The following UPP2 variants were observed in gnomAD, a reference collection of about 807,000 sequenced individuals.
UPP2 encodes the protein uridine phosphorylase 2, also known as UPase 2.
A neutral mutation model predicts 26.7 loss-of-function variants in UPP2; 23 were observed. The ratio of observed to expected loss-of-function variants is 0.86; its 90% CI spans 0.62 to 1.22. The LOEUF (loss-of-function observed/expected upper bound fraction) is 1.22, where lower values mean the gene tolerates loss of function less well. Among genes scored for constraint, UPP2 ranks in the 50% most tolerant of loss-of-function variants. The pLI is 0.00. For synonymous variants in UPP2, 127 were observed against 141.3 expected (o/e 0.90, Z 0.72); for missense variants, 387 against 396.7 (o/e 0.98, Z 0.21).
At chr2:157,995,233 A>G (rs1683307081) in exon 2 of UPP2, 2 of 1,613,602 alleles carry the variant, frequency 1.2e-6, no homozygotes, top group African/African-American at 1.3e-5. Flanking sequence ...GACCCAGACC[A>G]AGAAGTGGTG....
chr2:158,021,974 C>A (rs1436714838), intron 3 of UPP2, among the ~76,000 whole-genome samples: 1 of 151,310 alleles, frequency 6.6e-6, no homozygotes, highest in Non-Finnish European at 1.5e-5. Flanking sequence ...AATCCATATA[C>A]ATTTCCTGAC....
intron 3 of UPP2, among the ~76,000 whole-genome samples, chr2:158,054,385 G>GTTTTTTTTTTTTTTTTTTTTTT (rs71404330): frequency 7.2e-6 from 1 of 139,044 alleles, no homozygotes; most frequent in Non-Finnish European, 1.5e-5. Flanking sequence ...TTATTTTGAG[G>GTTTTTTTTTTTTTTTTTTTTTT]TTTTTTTTTT....
intron 2 of UPP2, among the ~76,000 whole-genome samples, chr2:158,006,197 C>T (rs1056544092): frequency 2.6e-5 from 4 of 152,220 alleles, no homozygotes; most frequent in Non-Finnish European, 4.4e-5. Flanking sequence ...CGGTGGCTCA[C>T]GCCTGTAATC....
chr2:158,020,943 G>A (rs1312658724), intron 3 of UPP2, among the ~76,000 whole-genome samples: 1 of 152,200 alleles, frequency 6.6e-6, no homozygotes, highest in African/African-American at 2.4e-5. Flanking sequence ...ACAGATGCAT[G>A]GCTTCAGAGA....
intron 2 of UPP2, 137 bp downstream of exon 2, chr2:158,106,353 C>G: frequency 1.5e-6 from 1 of 688,582 alleles, no homozygotes; most frequent in Non-Finnish European, 2.4e-6. Flanking sequence ...TTCTCTGAAA[C>G]AATTTGGAAT....
rs373328756 is a variant in UPP2, at chr2:158,096,414, C to A, written c.148-5626C>A. ...AGGAGTTCGAGACCAGCCTGGCCAA[C>A]ATGGTGAAACCCCGTCTCTACTAAA... On this transcript the variant is annotated intron_variant, in intron 3 of 9. Coordinates refer to the UPP2 transcript ENST00000605860. Among the ~76,000 whole-genome samples, 275 of 152,244 alleles carry A rather than the reference C, an allele frequency of 1.8e-3. 4 individuals carry two copies. The South Asian group carries it at 0.025, about 14-fold the overall frequency.
At chr2:158,108,410 T>C (rs1396633845) in intron 2 of UPP2, among the ~76,000 whole-genome samples, 1 of 152,064 alleles carries the variant, frequency 6.6e-6, no homozygotes, top group Non-Finnish European at 1.5e-5. Context: ...GATAAAAAAA[T>C]AATGGCTCTT....
intron 3 of UPP2, among the ~76,000 whole-genome samples, chr2:158,095,397 CAG>C (rs1682969460): frequency 2.0e-5 from 3 of 152,260 alleles, no homozygotes; most frequent in African/African-American, 7.2e-5. Context: ...TAAAATGTGG[CAG>C]AGAGATGTTC....
At chr2:158,083,574 AG>A (rs1479741964) in intron 3 of UPP2, among the ~76,000 whole-genome samples, 1 of 151,846 alleles carries the variant, frequency 6.6e-6, no homozygotes, top group Non-Finnish European at 1.5e-5. Flanking sequence ...GGGTTAGGGG[AG>A]GGGTAGCATT....
chr2:158,002,778 G>T (rs1479269880), intron 2 of UPP2, among the ~76,000 whole-genome samples: 1 of 152,200 alleles, frequency 6.6e-6, no homozygotes, highest in Admixed American at 6.5e-5. Flanking sequence ...TTTTAATGTT[G>T]TGCTGTTTGC....
chr2:158,029,364 T>C (rs1052764403), intron 3 of UPP2, among the ~76,000 whole-genome samples: 5 of 152,266 alleles, frequency 3.3e-5, no homozygotes, highest in African/African-American at 1.2e-4. Context: ...AAATTTTCAG[T>C]ATCTTACACA....
chr2:158,054,388 T>TC (rs988497589), intron 3 of UPP2, among the ~76,000 whole-genome samples: 5 of 129,674 alleles, frequency 3.9e-5, no homozygotes, highest in African/African-American at 1.8e-4. Flanking sequence ...TTTTGAGGTT[T>TC]TTTTTTTTTT....
chr2:158,035,531 C>A (rs1683988085), intron 3 of UPP2, among the ~76,000 whole-genome samples: 4 of 152,144 alleles, frequency 2.6e-5, no homozygotes, highest in African/African-American at 9.7e-5. Context: ...GTGCTGGATA[C>A]AATCAAAGGA....
At chr2:158,096,427 C>T (rs201654600) in intron 3 of UPP2, among the ~76,000 whole-genome samples, 55 of 151,956 alleles carry the variant, frequency 3.6e-4, no homozygotes, top group African/African-American at 1.3e-3. Flanking sequence ...GGTGAAACCC[C>T]GTCTCTACTA....
intron 3 of UPP2, among the ~76,000 whole-genome samples, chr2:158,039,919 T>G (rs919552252): frequency 6.6e-6 from 1 of 152,242 alleles, no homozygotes; most frequent in South Asian, 2.1e-4. Context: ...GCCTTCCATC[T>G]GGAACTTAGT....
At chr2:158,082,527 C>A (rs1574280467) in intron 3 of UPP2, among the ~76,000 whole-genome samples, 1 of 152,052 alleles carries the variant, frequency 6.6e-6, no homozygotes, top group African/African-American at 2.4e-5. Context: ...TGAAACTGGA[C>A]CCCTTCCTTA....
intron 2 of UPP2, among the ~76,000 whole-genome samples, chr2:158,014,328 C>A (rs1308623311): frequency 6.6e-6 from 1 of 152,198 alleles, no homozygotes; most frequent in African/African-American, 2.4e-5. Flanking sequence ...TCTCCTAGAA[C>A]AACCCCAGCT....
At chr2:158,134,670 T>C in intron 6 of UPP2, 78 bp from the exon 7 acceptor site, 1 of 1,456,698 alleles carries the variant, frequency 6.9e-7, no homozygotes, top group East Asian at 2.5e-5. Flanking sequence ...GTGCTAGGGA[T>C]GCTGGTGTGT....
At chr2:158,129,049 G>C (rs1214038654) in intron 6 of UPP2, among the ~76,000 whole-genome samples, 3 of 152,030 alleles carry the variant, frequency 2.0e-5, no homozygotes, top group East Asian at 3.8e-4. Flanking sequence ...ATCAAGGTCA[G>C]TGTCTATAGT....
Sources: gnomAD v4.1 joint callset for allele counts (sites outside exome capture counted in the v4.1 genomes callset) on GRCh38, gnomAD v4.1.1 for gene constraint, MANE v1.5 for transcripts, NCBI Gene and HGNC (gene_info 2026-07-23, HGNC 2026-07-21) for gene names.